Variants in GLP2R observed in about 807,000 individuals in gnomAD.
GLP2R encodes the protein glucagon-like peptide 2 receptor.
GLP2R carries 59 observed loss-of-function variants against 68.2 expected under a neutral mutation model. The observed-to-expected ratio is 0.87, with a 90% CI of 0.70 to 1.07. GLP2R has a LOEUF of 1.07. Among genes scored for constraint, GLP2R ranks in the 50% least tolerant of loss-of-function variants. The pLI is 0.00. For synonymous variants in GLP2R, 270 were observed against 265.4 expected, an observed-to-expected ratio of 1.02 and a Z score of -0.17; for missense variants, 548 against 677.4, an observed-to-expected ratio of 0.81 and a Z score of 2.12.
At chr17:9,853,285 G>C in intron 4 of GLP2R, 1 of 272,292 alleles carries the variant, frequency 3.7e-6, no homozygotes, top group South Asian at 5.3e-5. Context: ...GGGGGCTCAT[G>C]TCCATCTCCA....
chr17:9,887,015 C>T (rs772559656), intron 11 of GLP2R, among the ~76,000 whole-genome samples: 1 of 152,116 alleles, frequency 6.6e-6, no homozygotes, highest in Non-Finnish European at 1.5e-5. Flanking sequence ...TGTAGGTGAT[C>T]ACAGTGACTA....
intron 9 of GLP2R, among the ~76,000 whole-genome samples, chr17:9,862,324 A>T (rs992458343): frequency 1.3e-5 from 2 of 152,104 alleles, no homozygotes; most frequent in African/African-American, 4.8e-5. Flanking sequence ...GTGTAAAGAG[A>T]CCTGCAGTCA....
At chr17:9,850,387 A>C (rs1321527270) in intron 4 of GLP2R, among the ~76,000 whole-genome samples, 1 of 152,242 alleles carries the variant, frequency 6.6e-6, no homozygotes, top group African/African-American at 2.4e-5. Context: ...ACAGCTGCTT[A>C]ACTTCTTACC....
intron 10 of GLP2R, among the ~76,000 whole-genome samples, chr17:9,874,873 T>A (rs1424645985): frequency 6.6e-6 from 1 of 152,034 alleles, no homozygotes; most frequent in Non-Finnish European, 1.5e-5. Context: ...GCCTGAAAAA[T>A]CACTATCTGC....
At chr17:9,849,178 A>G (rs961791774) in intron 4 of GLP2R, among the ~76,000 whole-genome samples, 1 of 151,954 alleles carries the variant, frequency 6.6e-6, no homozygotes, top group South Asian at 2.1e-4. Context: ...ATTGAAACAT[A>G]TAGAAAAATT....
At chr17:9,850,606 C>T (rs963702028) in intron 4 of GLP2R, among the ~76,000 whole-genome samples, 1 of 152,040 alleles carries the variant, frequency 6.6e-6, no homozygotes, top group Non-Finnish European at 1.5e-5. Flanking sequence ...TGGGATTAAG[C>T]TCCAGCTTCC....
chr17:9,862,198 A>AAGCTGAACTATGAGCATTTTCTGCT, intron 9 of GLP2R, 108 bp downstream of exon 9: 1 of 780,080 alleles, frequency 1.3e-6, no homozygotes, highest in South Asian at 1.5e-5. Context: ...CTTGAGAGAG[A>AAGCTGAACTATGAGCATTTTCTGCT]GAAGCTGAAC....
chr17:9,889,614 G>C lies in GLP2R; in HGVS notation c.1571G>C (p.Trp524Ser), dbSNP rs1181637179. 1.7e-5 allele frequency: 27 copies of C among 1,613,538 alleles called. No individual in the cohort carries two copies. The highest frequency in any genetic ancestry group is 2.3e-5 in the Non-Finnish European group (27 of 1,179,672). The change falls in exon 13 of 13, where the codon TGG becomes TCG. Residue 524 changes from tryptophan to serine, a missense_variant. Transcript: ENST00000262441. ...GAQPQQDHAR[W>S]PRGSSLSECS... ...CAGCCCCAACAGGACCATGCACGCT[G>C]GCCCCGGGGCAGCAGCCTGTCCGAG...
intron 4 of GLP2R, among the ~76,000 whole-genome samples, chr17:9,847,109 C>T (rs562464029): frequency 1.1e-4 from 16 of 152,304 alleles, no homozygotes; most frequent in South Asian, 4.1e-4. Flanking sequence ...AGTAGCGCAG[C>T]GTTAGACATG....
chr17:9,891,384 A>T lies in GLP2R; in HGVS notation c.*1679A>T, dbSNP rs1010088217. 6.6e-6 allele frequency: 1 copy of T among 152,230 alleles called. No individual in the cohort carries two copies. The highest frequency in any genetic ancestry group is 1.5e-5 in the Non-Finnish European group (1 of 68,036). The allele number at this position is 152,230 out of a possible 1,614,324, so 9.4% of individuals were successfully genotyped here. On this transcript the variant is annotated 3_prime_UTR_variant, in exon 13 of 13. Transcript: ENST00000262441. ...ATGCAATATTCTAAAAAAACAAATT[A>T]ACAAACTACAGCCCATGAGCCATTT...
intron 1 of GLP2R, among the ~76,000 whole-genome samples, chr17:9,831,228 G>T (rs2066676737): frequency 6.6e-6 from 1 of 152,144 alleles, no homozygotes; most frequent in Admixed American, 6.6e-5. Context: ...AAACCTTAAA[G>T]CCAAATGATT....
In GLP2R at chr17:9,889,662, T is replaced by C. The variant is rs1437154432; in HGVS notation, c.1619T>C (p.Met540Thr). 5 of 1,603,952 alleles carry C rather than the reference T, an allele frequency of 3.1e-6. No individual in the cohort carries two copies. In the East Asian group the frequency reaches 1.1e-4, roughly 36 times the overall value. The change falls in exon 13 of 13, where the codon ATG (methionine) becomes ACG (threonine). Residue 540 changes from methionine to threonine, a missense_variant. Coordinates refer to ENST00000262441, the MANE Select transcript of GLP2R (RefSeq NM_004246.3). ...LSECSEGDVT[M>T]ANTMEEILEE... is the part of the protein sequence containing the mutation. ...GAGTGCAGTGAGGGGGATGTCACCA[T>C]GGCCAACACCATGGAGGAGATTCTG... is the stretch of plus-strand genomic sequence containing the variant.
Position 9,889,431 on chromosome 17 carries a change from G to C in GLP2R, c.1388G>C (p.Arg463Thr). 1 of 1,613,818 alleles carries C rather than the reference G, an allele frequency of 6.2e-7. No individual in the cohort carries two copies. Among genetic ancestry groups the C allele is most frequent in the South Asian group, 1.1e-5 (1 of 91,084 alleles). The change falls in exon 13 of 13, where the codon AGA (arginine) becomes ACA (threonine). Residue 463 changes from arginine (R) to threonine (T), a missense_variant. By Grantham distance (71) the Arg-to-Thr change is moderately conservative. Transcript: ENST00000262441. Reference protein sequence around the residue: ...RFLLARHSGCRACVLGKDFRF... With the variant: ...RFLLARHSGCTACVLGKDFRF... Reference sequence around the variant, plus strand: ...TTGCTAGCCCGCCACTCAGGCTGCAGAGCCTGTGTCCTGGGGAAGGACTTC... The same window carrying C: ...TTGCTAGCCCGCCACTCAGGCTGCACAGCCTGTGTCCTGGGGAAGGACTTC...
chr17:9,890,371 C>T lies in GLP2R; in HGVS notation c.*666C>T. On this transcript the variant is annotated 3_prime_UTR_variant, in exon 13 of 13. Coordinates refer to ENST00000262441, the MANE Select transcript of GLP2R (RefSeq NM_004246.3). ...TCCTTGGAGAGTATGTAACTCCACC[C>T]ACCAGAGTGCCACTCCTCTCTGCTC... 1 of 244,526 alleles carries T rather than the reference C, an allele frequency of 4.1e-6. No homozygotes were observed. The highest frequency in any genetic ancestry group is 4.9e-5 in the South Asian group (1 of 20,406). 15.1% of individuals were successfully genotyped at this position (244,526 alleles called of 1,614,324 possible). A position where few individuals can be genotyped will look rare whatever the true frequency, so the allele number is the denominator to read the frequency against.
chr17:9,872,835 T>C (rs1338185315), intron 10 of GLP2R, among the ~76,000 whole-genome samples: 1 of 152,196 alleles, frequency 6.6e-6, no homozygotes, highest in African/African-American at 2.4e-5. Context: ...TCTGTAGATA[T>C]GGTTATAAAT....
At position 9,889,505 on chromosome 17, in the gene GLP2R, G is replaced by A. The variant is rs2067271704; in HGVS notation, c.1462G>A (p.Glu488Lys). 2 of 1,614,092 alleles carry A rather than the reference G, an allele frequency of 1.2e-6. No individual in the cohort carries two copies. The highest frequency in any genetic ancestry group is 8.5e-7 in the Non-Finnish European group (1 of 1,180,028). ...GAAGCTCTCGGAAGGAGATGGCGCT[G>A]AGAAGCTTCGGAAGCTGCAGCCCTC... ...PKKLSEGDGA[E>K]KLRKLQPSLN... The change falls in exon 13 of 13, where the codon GAG (glutamate) becomes AAG (lysine). Residue 488 changes from glutamate (E) to lysine (K), a missense_variant. By Grantham distance (56) the Glu-to-Lys change is moderately conservative. Transcript: ENST00000262441.
chr17:9,845,976 A>T (rs985303244), intron 4 of GLP2R, among the ~76,000 whole-genome samples: 2 of 152,100 alleles, frequency 1.3e-5, no homozygotes, highest in Non-Finnish European at 2.9e-5. Context: ...ATTACATTTG[A>T]TATGCTTTAG....
rs768397817 is a variant in GLP2R at position 9,880,365 on chromosome 17, T to C, written c.1146-13T>C. On this transcript the variant is annotated splice_polypyrimidine_tract_variant and intron_variant, in intron 10 of 12. Transcript: ENST00000262441. ...TGTGGCCCTCTTGACTGTTATTTGG[T>C]TGTCATTTACAGATTGGCAAAATCA... The C allele has an allele frequency of 2.6e-6, 4 of 1,564,770 alleles. No individual in the cohort carries two copies. In the South Asian group the frequency reaches 4.7e-5, roughly 18 times the overall value.
chr17:9,868,690 G>A (rs561066955), intron 9 of GLP2R, among the ~76,000 whole-genome samples: 26 of 152,288 alleles, frequency 1.7e-4, no homozygotes, highest in Non-Finnish European at 2.9e-4. Context: ...TGGCAGTGAG[G>A]AAGTGCCTCC....
Sources: allele counts gnomAD v4.1 joint callset (sites outside exome capture counted in the v4.1 genomes callset), GRCh38; gene constraint gnomAD v4.1.1; transcripts MANE v1.5; gene names NCBI Gene and HGNC (gene_info 2026-07-23, HGNC 2026-07-21).